OR13A1: variants seen among roughly 807,000 people sequenced by gnomAD.
OR13A1 encodes olfactory receptor family 13 subfamily A member 1.
A neutral mutation model predicts 7.5 loss-of-function variants in OR13A1; 10 were observed. The observed-to-expected ratio is 1.34, with a 90% CI of 0.83 to 2.27. The LOEUF is 2.27. Ranked by LOEUF, OR13A1 falls within the 30% of genes most tolerant of loss-of-function variation. The pLI is 0.00. For missense variants in OR13A1, 509 were observed against 419.1 expected, an observed-to-expected ratio of 1.21 and a Z score of -1.87; for synonymous variants, 238 against 177.9, an observed-to-expected ratio of 1.34 and a Z score of -2.69.
intron 1 of OR13A1, among the ~76,000 whole-genome samples, chr10:45,313,963 C>A (rs1464774977): frequency 6.6e-6 from 1 of 152,086 alleles, no homozygotes; most frequent in East Asian, 1.9e-4. Context: ...TAGTATTTTT[C>A]TCAAGTTTAC....
intron 3 of OR13A1, among the ~76,000 whole-genome samples, chr10:45,306,213 G>C (rs555327261): frequency 4.1e-4 from 63 of 152,170 alleles, no homozygotes; most frequent in Non-Finnish European, 8.2e-4. Context: ...CCAGCACTTT[G>C]GGAGGCCGTG....
Position 45,303,459 on chromosome 10 carries a change from G to A in OR13A1, c.964C>T (p.Leu322Phe). Residue 322 changes from leucine to phenylalanine, a missense_variant, in exon 4 of 4, where the codon CTT becomes TTT. Transcript: ENST00000553795. ...AGTTAATTTCTGAAGAAAGGGAAAA[G>A]CTTCCTGAGGGCTGCTTTGACCTCC... ...NKEVKAALRK[L>F]FPFFRN The A allele has an allele frequency of 6.3e-7, 1 of 1,595,608 alleles. No individual in the cohort carries two copies. The highest frequency in any genetic ancestry group is 1.1e-5 in the South Asian group (1 of 89,010).
At chr10:45,307,201 C>A (rs971437521) in intron 3 of OR13A1, among the ~76,000 whole-genome samples, 2 of 152,190 alleles carry the variant, frequency 1.3e-5, no homozygotes, top group African/African-American at 4.8e-5. Context: ...CATCACTGAA[C>A]ACCTACCAAG....
intron 1 of OR13A1, among the ~76,000 whole-genome samples, chr10:45,315,164 T>C (rs1441211552): frequency 6.6e-6 from 1 of 151,966 alleles, no homozygotes; most frequent in African/African-American, 2.4e-5. Context: ...TGATAGAACA[T>C]GTGGCAGGGT....
intron 1 of OR13A1, among the ~76,000 whole-genome samples, chr10:45,313,912 T>A (rs1224520235): frequency 1.3e-5 from 2 of 152,032 alleles, no homozygotes; most frequent in African/African-American, 4.8e-5. Flanking sequence ...TAAATAGTGC[T>A]AACAAACATG....
At position 45,307,443 on chromosome 10, in the gene OR13A1, G is replaced by A. The variant is rs758370494; in HGVS notation, c.-30C>T. 2 of 152,184 alleles carry A rather than the reference G, an allele frequency of 1.3e-5. No individual in the cohort carries two copies. The highest frequency in any genetic ancestry group is 4.1e-4 in the South Asian group (2 of 4,822). 9.4% of individuals were successfully genotyped at this position (152,184 alleles called of 1,614,324 possible). The stretch of plus-strand genomic sequence containing the variant: ...GTAATTACCCACTTATTGTGATTGG[G>A]TGGGGACAGGAGGACAGTCTTCTCA... On this transcript the variant is annotated 5_prime_UTR_variant, in exon 3 of 4. Coordinates refer to ENST00000553795, the MANE Select transcript of OR13A1 (RefSeq NM_001004297.3).
rs959878827 is a variant in OR13A1 at position 45,304,405 on chromosome 10, C to G, written c.18G>C (p.Glu6Asp). Reference sequence around the variant, plus strand: ...GGGTTTCTGGGACTATCAGGTGACTCTCCATCCACAGCTTCATGTGATTTC... The same window carrying G: ...GGGTTTCTGGGACTATCAGGTGACTGTCCATCCACAGCTTCATGTGATTTC... MKLWM[E>D]SHLIVPETRP... The change falls in exon 4 of 4, where the codon GAG (glutamate) becomes GAC (aspartate). Residue 6 changes from glutamate (E) to aspartate (D), a missense_variant. Coordinates refer to ENST00000553795, the MANE Select transcript of OR13A1 (RefSeq NM_001004297.3). 2 of 1,612,918 alleles carry G rather than the reference C, an allele frequency of 1.2e-6. No homozygotes were observed. The highest frequency in any genetic ancestry group is 1.7e-6 in the Non-Finnish European group (2 of 1,179,570).
rs778231597 is a variant in OR13A1 at position 45,304,207 on chromosome 10, C to A, written c.216G>T (p.Gly72=). Residue 72 remains glycine (G), a synonymous_variant, in exon 4 of 4, where the codon GGG becomes GGT. Coordinates refer to ENST00000553795, the MANE Select transcript of OR13A1 (RefSeq NM_001004297.3). ...AGAAAAAGTACATAGGAGCGTGGAG[C>A]CCAGGGTTGAACGTGATGGCCAAGG... is the stretch of plus-strand genomic sequence containing the variant. The part of the protein sequence containing the change: ...LITLAITFNP[G]LHAPMYFFLL... 31 of 1,614,122 alleles carry A rather than the reference C, an allele frequency of 1.9e-5. No homozygotes were observed. Among genetic ancestry groups the A allele is most frequent in the Non-Finnish European group, 2.5e-5 (29 of 1,180,040 alleles).
chr10:45,312,388 A>C (rs539786523), intron 1 of OR13A1, among the ~76,000 whole-genome samples: 2 of 152,218 alleles, frequency 1.3e-5, no homozygotes, highest in Admixed American at 1.3e-4. Context: ...CAAAGATAAG[A>C]ATTACAGCAG....
downstream of OR13A1, chr10:45,302,373 T>G (rs1838223207): frequency 6.6e-6 from 1 of 152,196 alleles, no homozygotes; most frequent in East Asian, 1.9e-4. Context: ...CAGAATTCAC[T>G]TAGAAGAGAT....
intron 1 of OR13A1, among the ~76,000 whole-genome samples, chr10:45,312,391 T>C (rs1377464347): frequency 6.6e-6 from 1 of 151,908 alleles, no homozygotes; most frequent in Admixed American, 6.6e-5. Context: ...AGATAAGAAT[T>C]ACAGCAGAGT....
intron 3 of OR13A1, among the ~76,000 whole-genome samples, chr10:45,307,076 C>G (rs1050867601): frequency 1.3e-5 from 2 of 152,184 alleles, no homozygotes; most frequent in East Asian, 3.9e-4. Flanking sequence ...CCCTAGAATT[C>G]TAGCCACCAG....
At chr10:45,315,274 A>G (rs1447729956) in intron 1 of OR13A1, among the ~76,000 whole-genome samples, 1 of 152,156 alleles carries the variant, frequency 6.6e-6, no homozygotes, top group Non-Finnish European at 1.5e-5. Flanking sequence ...AGGTCATGCC[A>G]CTGCACTCCA....
At chr10:45,309,932 T>C (rs1456717549) in intron 1 of OR13A1, among the ~76,000 whole-genome samples, 2 of 152,178 alleles carry the variant, frequency 1.3e-5, no homozygotes, top group Non-Finnish European at 2.9e-5. Context: ...TTTTTCAATA[T>C]ATAGAATGGG....
intron 1 of OR13A1, among the ~76,000 whole-genome samples, chr10:45,312,468 T>A (rs1396678872): frequency 2.6e-5 from 4 of 151,652 alleles, no homozygotes; most frequent in Admixed American, 2.0e-4. Flanking sequence ...AGAAAAAAAC[T>A]GTCAATGTAG....
chr10:45,303,383 C>T lies in OR13A1; in HGVS notation c.*53G>A, dbSNP rs1252955231. 1.3e-6 allele frequency: 2 copies of T among 1,518,066 alleles called. No individual in the cohort carries two copies. The highest frequency in any genetic ancestry group is 2.3e-5 in the East Asian group (1 of 44,068). The allele number at this position is 1,518,066 out of a possible 1,614,324, so 94.0% of individuals were successfully genotyped here. A position where few individuals can be genotyped will look rare whatever the true frequency, so the allele number is the denominator to read the frequency against. On this transcript the variant is annotated 3_prime_UTR_variant, in exon 4 of 4. Transcript: ENST00000553795. ...CCTCCCAGTCCAGAAACTTGCTCAT[C>T]AGACTCCACTAAAACTGCAGTCTCC...
chr10:45,307,210 A>G (rs924484318), intron 3 of OR13A1, among the ~76,000 whole-genome samples: 3 of 152,202 alleles, frequency 2.0e-5, no homozygotes, highest in African/African-American at 7.2e-5. Context: ...ACACCTACCA[A>G]GCAGCAGTGT....
chr10:45,310,321 T>C (rs1838418498), intron 1 of OR13A1, among the ~76,000 whole-genome samples: 1 of 152,210 alleles, frequency 6.6e-6, no homozygotes, highest in African/African-American at 2.4e-5. Context: ...TGGGGCAGTC[T>C]TGCTCCACTA....
At chr10:45,307,993 A>G (rs953863567) in intron 1 of OR13A1, among the ~76,000 whole-genome samples, 185 bp from the exon 2 acceptor site, 2 of 152,214 alleles carry the variant, frequency 1.3e-5, no homozygotes, top group Admixed American at 1.3e-4. Context: ...TTTATTGTTC[A>G]TAGTTTCATA....
Sources: allele counts gnomAD v4.1 joint callset (sites outside exome capture counted in the v4.1 genomes callset), GRCh38; gene constraint gnomAD v4.1.1; transcripts MANE v1.5; gene names NCBI Gene and HGNC (gene_info 2026-07-23, HGNC 2026-07-21).